Variants in CPN1 observed in about 807,000 individuals in gnomAD.
CPN1 encodes the protein carboxypeptidase N subunit 1.
In CPN1, 37 loss-of-function variants were observed where a neutral mutation model predicts 46.4. The observed-to-expected ratio is 0.80, with a 90% CI of 0.61 to 1.05. The LOEUF is 1.05. CPN1 is among the 50% of genes least tolerant of loss of function. CPN1 has a pLI of 0.00. For missense variants in CPN1, 563 were observed against 602.6 expected, an observed-to-expected ratio of 0.93 and a Z score of 0.69; for synonymous variants, 224 against 235.4, an observed-to-expected ratio of 0.95 and a Z score of 0.44.
intron 5 of CPN1, among the ~76,000 whole-genome samples, chr10:100,058,559 A>T (rs1311586537): frequency 6.6e-6 from 1 of 152,156 alleles, no homozygotes; most frequent in East Asian, 1.9e-4. Flanking sequence ...TTACATTATA[A>T]TTTCATTTGG....
In CPN1 at chr10:100,068,023, G is replaced by A. The variant is rs1038812494; in HGVS notation, c.576+1691C>T. On this transcript the variant is annotated intron_variant, in intron 3 of 8. Transcript: ENST00000370418. Reference sequence around the variant, plus strand: ...AAAAATTGGCCAGGGGTGGTGGCACGTGCCTGTAATCCCAGCTACTCAGGA... The same window carrying A: ...AAAAATTGGCCAGGGGTGGTGGCACATGCCTGTAATCCCAGCTACTCAGGA... Among the ~76,000 whole-genome samples, 7 of 151,658 alleles carry A rather than the reference G, an allele frequency of 4.6e-5. No individual in the cohort carries two copies. In the East Asian group the frequency reaches 7.9e-4, roughly 17 times the overall value.
chr10:100,060,321 G>A (rs1434367407), intron 5 of CPN1, among the ~76,000 whole-genome samples: 1 of 152,154 alleles, frequency 6.6e-6, no homozygotes, highest in Non-Finnish European at 1.5e-5. Flanking sequence ...CAGCACTTTG[G>A]GAGGCTGAGG....
At chr10:100,058,553 A>G (rs2041398452) in intron 5 of CPN1, among the ~76,000 whole-genome samples, 2 of 152,202 alleles carry the variant, frequency 1.3e-5, no homozygotes, top group Admixed American at 1.3e-4. Context: ...GGTTATTTAC[A>G]TTATAATTTC....
At chr10:100,063,977 T>TAC (rs953055700) in intron 4 of CPN1, among the ~76,000 whole-genome samples, 1 of 152,186 alleles carries the variant, frequency 6.6e-6, no homozygotes, top group Non-Finnish European at 1.5e-5. Flanking sequence ...AGTGTATGTG[T>TAC]GGTAGACTAG....
intron 6 of CPN1, 59 bp downstream of exon 6, chr10:100,056,954 C>A: frequency 1.2e-6 from 2 of 1,611,244 alleles, no homozygotes; most frequent in South Asian, 1.1e-5. Flanking sequence ...AACACCTTGC[C>A]TGCCATTGAG....
chr10:100,076,073 G>A lies in CPN1; in HGVS notation c.258C>T (p.His86=), dbSNP rs141105015. The change falls in exon 2 of 9, where the codon CAC becomes CAT. Residue 86 remains histidine (H), a synonymous_variant. Transcript: ENST00000370418. ...EPEVKYVGNM[H]GNEALGRELM... Reference sequence around the variant, plus strand: ...GCTCGCGGCCCAACGCTTCGTTGCCGTGCATGTTCCCCACATACTTGACCT... The same window carrying A: ...GCTCGCGGCCCAACGCTTCGTTGCCATGCATGTTCCCCACATACTTGACCT... The A allele has an allele frequency of 2.4e-5, 38 of 1,614,080 alleles. No individual in the cohort carries two copies. Among genetic ancestry groups the A allele is most frequent in the African/African-American group, 1.6e-4 (12 of 74,932 alleles).
chr10:100,081,846 A>C lies in CPN1; in HGVS notation c.-221T>G. Reference sequence around the variant, plus strand: ...CTCCCTCACTCCCTTTCTTTCTCTAATCCAGGAAAGCCTTTTGAAAGGTTT... The same window carrying C: ...CTCCCTCACTCCCTTTCTTTCTCTACTCCAGGAAAGCCTTTTGAAAGGTTT... On this transcript the variant is annotated 5_prime_UTR_variant, in exon 1 of 9. Coordinates refer to ENST00000370418, the MANE Select transcript of CPN1 (RefSeq NM_001308.3). The C allele has an allele frequency of 1.8e-6, 1 of 554,110 alleles. No individual in the cohort carries two copies. Among genetic ancestry groups the C allele is most frequent in the Non-Finnish European group, 3.3e-6 (1 of 306,274 alleles). 34.3% of individuals were successfully genotyped at this position (554,110 alleles called of 1,614,324 possible). A position where few individuals can be genotyped will look rare whatever the true frequency, so the allele number is the denominator to read the frequency against.
rs144596094 is a variant in CPN1, at chr10:100,055,283, T to C, written c.1012-837A>G. Among the ~76,000 whole-genome samples the C allele has an allele frequency of 1.9e-3, 291 of 151,574 alleles. 2 individuals carry two copies. The highest frequency in any genetic ancestry group is 6.7e-3 in the African/African-American group (279 of 41,338). On this transcript the variant is annotated intron_variant, in intron 6 of 8. Transcript: ENST00000370418. ...GTTGTGCGACCATCATCACCACCCA[T>C]CTGCATAACTCTTTTTATCTTAAAA...
intron 5 of CPN1, among the ~76,000 whole-genome samples, chr10:100,061,158 C>A (rs2041415182): frequency 6.6e-6 from 1 of 152,012 alleles, no homozygotes; most frequent in African/African-American, 2.4e-5. Context: ...TGAATGATAG[C>A]ACAAAAGGGT....
At chr10:100,077,200 G>T (rs1490027605) in intron 1 of CPN1, among the ~76,000 whole-genome samples, 5 of 149,588 alleles carry the variant, frequency 3.3e-5, no homozygotes, top group African/African-American at 1.2e-4. Flanking sequence ...ATGAGAGAGA[G>T]CTCTCTGTTG....
intron 7 of CPN1, among the ~76,000 whole-genome samples, chr10:100,053,961 A>G (rs1358431010): frequency 1.3e-5 from 2 of 152,090 alleles, no homozygotes; most frequent in Non-Finnish European, 2.9e-5. Flanking sequence ...TCTGTTTCAC[A>G]GTCCTCTTTC....
At chr10:100,068,121 C>T in intron 3 of CPN1, among the ~76,000 whole-genome samples, 1 of 139,642 alleles carries the variant, frequency 7.2e-6, no homozygotes, top group Non-Finnish European at 1.5e-5. Flanking sequence ...CACTGCACTC[C>T]AGCCTGGAGG....
chr10:100,064,646 G>A (rs2041442149), intron 4 of CPN1, among the ~76,000 whole-genome samples: 1 of 151,888 alleles, frequency 6.6e-6, no homozygotes, highest in East Asian at 1.9e-4. Flanking sequence ...CTCCCAAAGT[G>A]CTGGGATTAC....
At chr10:100,043,668 CT>C (rs1042151059) in intron 8 of CPN1, among the ~76,000 whole-genome samples, 30 of 128,780 alleles carry the variant, frequency 2.3e-4, no homozygotes, top group Admixed American at 2.3e-4. Flanking sequence ...TTTTACTTTT[CT>C]TTTTTTTTTT....
At chr10:100,072,469 T>A (rs1030288346) in intron 2 of CPN1, among the ~76,000 whole-genome samples, 1 of 152,244 alleles carries the variant, frequency 6.6e-6, no homozygotes, top group African/African-American at 2.4e-5. Context: ...TACGGCCTTA[T>A]GTTTAACTTT....
At chr10:100,051,524 GA>G (rs1380533855) in intron 7 of CPN1, among the ~76,000 whole-genome samples, 3 of 151,494 alleles carry the variant, frequency 2.0e-5, no homozygotes, top group Non-Finnish European at 2.9e-5. Context: ...CTGATGAAAT[GA>G]AAAAAAATTT....
chr10:100,056,521 A>G (rs1205202002), intron 6 of CPN1, among the ~76,000 whole-genome samples: 3 of 152,152 alleles, frequency 2.0e-5, no homozygotes, highest in Admixed American at 6.5e-5. Context: ...TTCACAGCAT[A>G]TAGTACAGTT....
intron 5 of CPN1, among the ~76,000 whole-genome samples, chr10:100,060,134 T>A (rs1259764692): frequency 6.6e-6 from 1 of 152,142 alleles, no homozygotes; most frequent in African/African-American, 2.4e-5. Context: ...GGGTTTCAGT[T>A]TTACAAGCTG....
intron 8 of CPN1, 26 bp downstream of exon 8, chr10:100,048,732 G>T: frequency 1.4e-6 from 2 of 1,458,940 alleles, no homozygotes; most frequent in Non-Finnish European, 9.6e-7. Context: ...TCTCTACAGT[G>T]CACCGTCAAG....
Sources: allele counts gnomAD v4.1 joint callset (sites outside exome capture counted in the v4.1 genomes callset), GRCh38; gene constraint gnomAD v4.1.1; transcripts MANE v1.5; gene names NCBI Gene and HGNC (gene_info 2026-07-23, HGNC 2026-07-21).